The following PGR variants were observed in gnomAD, a reference collection of about 807,000 sequenced individuals.
The protein encoded by PGR is progesterone receptor.
In PGR, 25 loss-of-function variants were observed where a neutral mutation model predicts 76.1. That is an observed-to-expected ratio of 0.33 (90% CI 0.24 to 0.46). The LOEUF is 0.46. Among genes scored for constraint, PGR ranks in the 20% least tolerant of loss-of-function variants. The pLI is 1.00. For missense variants in PGR, 1,172 were observed against 1,225.3 expected (o/e 0.96, Z 0.65); for synonymous variants, 579 against 535.0 (o/e 1.08, Z -1.14).
At chr11:101,077,474 C>T (rs1861165885) in intron 3 of PGR, among the ~76,000 whole-genome samples, 1 of 152,116 alleles carries the variant, frequency 6.6e-6, no homozygotes, top group Non-Finnish European at 1.5e-5. Flanking sequence ...CAAAACTATA[C>T]TAGAATTGAT....
chr11:101,093,830 TC>T (rs1861754429), intron 2 of PGR, among the ~76,000 whole-genome samples: 2 of 152,228 alleles, frequency 1.3e-5, no homozygotes, highest in South Asian at 4.1e-4. Context: ...AGAGAGGCTG[TC>T]CTACTGTCTG....
chr11:101,072,677 C>G (rs888745787), intron 3 of PGR, among the ~76,000 whole-genome samples: 5 of 152,078 alleles, frequency 3.3e-5, no homozygotes, highest in Non-Finnish European at 7.4e-5. Context: ...GGTTGCAATC[C>G]TAGTCTCTGA....
rs1434807758 is a variant in PGR, at chr11:101,035,282, T to C, written c.*3834A>G. 2 of 228,254 alleles carry C rather than the reference T, an allele frequency of 8.8e-6. No homozygotes were observed. The allele number at this position is 228,254 out of a possible 1,614,324, so 14.1% of individuals were successfully genotyped here. A position where few individuals can be genotyped will look rare whatever the true frequency, so the allele number is the denominator to read the frequency against. On this transcript the variant is annotated 3_prime_UTR_variant, in exon 8 of 8. Coordinates refer to ENST00000325455, the MANE Select transcript of PGR (RefSeq NM_000926.4). The stretch of plus-strand genomic sequence containing the variant: ...AAGTTTTGAATGCTTCTTATGCACA[T>C]GGCTCTGGAGTTGTAAAAGTTTTTA...
Position 101,031,888 on chromosome 11 carries a change from A to G in PGR, c.*7228T>C. 1 of 230,454 alleles carries G rather than the reference A, an allele frequency of 4.3e-6. No homozygotes were observed. Among genetic ancestry groups the G allele is most frequent in the Non-Finnish European group, 8.6e-6 (1 of 116,304 alleles). The allele number at this position is 230,454 out of a possible 1,614,324, so 14.3% of individuals were successfully genotyped here. A position where few individuals can be genotyped will look rare whatever the true frequency, so the allele number is the denominator to read the frequency against. ...TGTGTTTATTTTGTATGGGTTCAGC[A>G]CAACTCAGTTCCTCTTTCTCATTTT... On this transcript the variant is annotated 3_prime_UTR_variant, in exon 8 of 8. Coordinates refer to ENST00000325455, the MANE Select transcript of PGR (RefSeq NM_000926.4).
Position 101,053,938 on chromosome 11 carries a change from G to A in PGR, c.2213-2370C>T, listed in dbSNP as rs1429465296. ...AGCTGGGTAAACCTCCTCCTTCTTT[G>A]GGCTTGGGGCATAGGTTTGGCCCAT... On this transcript the variant is annotated intron_variant, in intron 4 of 7. Coordinates refer to ENST00000325455, the MANE Select transcript of PGR (RefSeq NM_000926.4). Among the ~76,000 whole-genome samples, 9 of 152,120 alleles carry A rather than the reference G, an allele frequency of 5.9e-5. 1 individual carries two copies. Among genetic ancestry groups the A allele is most frequent in the African/African-American group, 2.2e-4 (9 of 41,496 alleles).
chr11:101,047,712 T>C (rs1349929271), intron 6 of PGR, among the ~76,000 whole-genome samples: 3 of 152,108 alleles, frequency 2.0e-5, no homozygotes, highest in Non-Finnish European at 2.9e-5. Context: ...GTCATAGAAA[T>C]CACAATGAAT....
In PGR at chr11:101,128,476, C is replaced by T; in HGVS notation, c.595G>A (p.Ala199Thr). 6.2e-7 allele frequency: 1 copy of T among 1,607,716 alleles called. No homozygotes were observed. The highest frequency in any genetic ancestry group is 8.5e-7 in the Non-Finnish European group (1 of 1,179,290). The change falls in exon 1 of 8, where the codon GCC (alanine) becomes ACC (threonine). Residue 199 changes from alanine to threonine, a missense_variant. This residue lies in a region of PGR where 893 missense variants were observed against 785.9 expected (regional missense o/e 1.14). Coordinates refer to ENST00000325455, the MANE Select transcript of PGR (RefSeq NM_000926.4). Reference protein sequence around the residue: ...LSPARQLLLPASESPHWSGAP... With the variant: ...LSPARQLLLPTSESPHWSGAP... ...CCGGACCAGTGAGGGCTCTCAGAGG[C>T]CGGGAGCAGCAGCTGCCGGGCTGGT...
At chr11:101,122,123 C>A (rs1484540892) in intron 2 of PGR, among the ~76,000 whole-genome samples, 1 of 137,790 alleles carries the variant, frequency 7.3e-6, no homozygotes, top group Non-Finnish European at 1.5e-5. Context: ...CCACTGCACT[C>A]CAGCATGGGC....
intron 4 of PGR, among the ~76,000 whole-genome samples, chr11:101,054,444 C>T (rs1040423037): frequency 6.6e-6 from 1 of 152,108 alleles, no homozygotes; most frequent in African/African-American, 2.4e-5. Context: ...AAGCTCAATA[C>T]AATAAATCTA....
intron 6 of PGR, 93 bp from the exon 7 acceptor site, chr11:101,042,195 TCTG>T: frequency 7.6e-7 from 1 of 1,311,866 alleles, no homozygotes; most frequent in Non-Finnish European, 1.1e-6. Context: ...AATGATTTCT[TCTG>T]ATACATGACT....
rs962972094 is a variant in PGR, at chr11:101,036,833, G to T, written c.*2283C>A. 2 of 190,940 alleles carry T rather than the reference G, an allele frequency of 1.0e-5. No homozygotes were observed. Among genetic ancestry groups the T allele is most frequent in the African/African-American group, 2.3e-5 (1 of 42,956 alleles). 11.8% of individuals were successfully genotyped at this position (190,940 alleles called of 1,614,324 possible). A position where few individuals can be genotyped will look rare whatever the true frequency, so the allele number is the denominator to read the frequency against. On this transcript the variant is annotated 3_prime_UTR_variant, in exon 8 of 8. Coordinates refer to ENST00000325455, the MANE Select transcript of PGR (RefSeq NM_000926.4). The stretch of plus-strand genomic sequence containing the variant: ...TTATTATGGAAATTAAATATATGCT[G>T]GTGGAAATGATTTATATCATCAAAA...
chr11:101,089,937 G>C (rs1458944037), intron 3 of PGR, among the ~76,000 whole-genome samples: 1 of 152,182 alleles, frequency 6.6e-6, no homozygotes, highest in Non-Finnish European at 1.5e-5. Context: ...AGTGGCTCAC[G>C]CCTGTAATCC....
chr11:101,061,611 T>C (rs552373678), intron 4 of PGR, among the ~76,000 whole-genome samples: 1 of 152,306 alleles, frequency 6.6e-6, no homozygotes, highest in South Asian at 2.1e-4. Flanking sequence ...AAATAATTTG[T>C]CTATAGCAGT....
At chr11:101,074,340 G>A (rs1313333260) in intron 3 of PGR, among the ~76,000 whole-genome samples, 1 of 152,086 alleles carries the variant, frequency 6.6e-6, no homozygotes, top group Non-Finnish European at 1.5e-5. Flanking sequence ...AATAATAAGA[G>A]CTATTTATGG....
chr11:101,129,228 A>C lies in PGR; in HGVS notation c.-158T>G. ...CCACCTCCTGGGTCGGGGGCGGGGG[A>C]GGGCGGCGCTGGTCAGCTCCTGCCC... is the stretch of plus-strand genomic sequence containing the variant. On this transcript the variant is annotated 5_prime_UTR_variant, in exon 1 of 8. Transcript: ENST00000325455. The C allele has an allele frequency of 3.1e-5, 6 of 195,126 alleles. No individual in the cohort carries two copies. Among genetic ancestry groups the C allele is most frequent in the Non-Finnish European group, 5.1e-5 (5 of 98,222 alleles). 12.1% of individuals were successfully genotyped at this position (195,126 alleles called of 1,614,324 possible).
chr11:101,113,684 G>C (rs1419343191), intron 2 of PGR, among the ~76,000 whole-genome samples: 1 of 152,140 alleles, frequency 6.6e-6, no homozygotes, highest in East Asian at 1.9e-4. Context: ...ATTTACTTAA[G>C]GGTTGGGAGG....
intron 4 of PGR, among the ~76,000 whole-genome samples, chr11:101,053,631 C>T (rs528207978): frequency 1.6e-5 from 2 of 127,428 alleles, no homozygotes; most frequent in South Asian, 5.2e-4. Flanking sequence ...TCCCCTTCTT[C>T]CTCCTTTCTT....
Position 101,088,582 on chromosome 11 carries a change from T to C in PGR, c.1906+3178A>G, listed in dbSNP as rs140590129. Among the ~76,000 whole-genome samples the C allele has an allele frequency of 3.5e-3, 528 of 152,268 alleles. 4 individuals carry two copies. The highest frequency in any genetic ancestry group is 0.021 in the South Asian group (101 of 4,824). ...CTCCTGAACTCATGATCCACCTGCG[T>C]TGGCCTCCCAAAGTGCTGGGATTAC... On this transcript the variant is annotated intron_variant, in intron 3 of 7. Transcript: ENST00000325455.
chr11:101,103,363 G>A (rs1246338821), intron 2 of PGR, among the ~76,000 whole-genome samples: 1 of 152,006 alleles, frequency 6.6e-6, no homozygotes, highest in Non-Finnish European at 1.5e-5. Flanking sequence ...CTGAACACCA[G>A]GTGTGAGCAT....
Sources: gnomAD v4.1 joint callset for allele counts (sites outside exome capture counted in the v4.1 genomes callset) on GRCh38, gnomAD v4.1.1 for gene constraint, gnomAD v4.1.1 regional missense constraint, MANE v1.5 for transcripts, NCBI Gene and HGNC (gene_info 2026-07-23, HGNC 2026-07-21) for gene names.